ZC3H12B: variants seen among roughly 807,000 people sequenced by gnomAD.
ZC3H12B encodes probable ribonuclease ZC3H12B.
In ZC3H12B, 7 loss-of-function variants were observed where a neutral mutation model predicts 43.9. That is an observed-to-expected ratio of 0.16 (90% confidence interval 0.09 to 0.30). ZC3H12B has a LOEUF of 0.30. Ranked by LOEUF, ZC3H12B falls within the 10% of genes least tolerant of loss-of-function variation. The pLI is 1.00. For missense variants in ZC3H12B, 475 were observed against 670.2 expected (o/e 0.71, Z 3.22); for synonymous variants, 222 against 241.7 (o/e 0.92, Z 0.76).
At chrX:65,132,384 G>A in the ZC3H12B span, among the ~76,000 whole-genome samples, 3 of 110,861 alleles carry the variant, frequency 2.7e-5, no homozygotes, top group Admixed American at 9.6e-5. Flanking sequence ...AGCCTGTTGT[G>A]GGATGGGATA....
chrX:65,127,136 A>C, the ZC3H12B span, among the ~76,000 whole-genome samples: 4 of 111,297 alleles, frequency 3.6e-5, no homozygotes, highest in Non-Finnish European at 1.9e-5. Context: ...AGACTATGTC[A>C]GAGGGAAGAT....
intron 3 of ZC3H12B, among the ~76,000 whole-genome samples, chrX:65,418,815 G>A (rs2066988233): frequency 9.0e-6 from 1 of 111,615 alleles, no homozygotes; most frequent in African/African-American, 3.3e-5. Flanking sequence ...CTAGAATGAA[G>A]GGAAGATGAG....
the ZC3H12B span, among the ~76,000 whole-genome samples, chrX:65,169,274 C>G: frequency 1.8e-5 from 2 of 111,886 alleles, no homozygotes; most frequent in Non-Finnish European, 3.8e-5. Context: ...TTTATTTCTG[C>G]CTTCATTTGA....
chrX:65,221,761 G>A, the ZC3H12B span, among the ~76,000 whole-genome samples: 1 of 110,473 alleles, frequency 9.1e-6, no homozygotes, highest in Admixed American at 9.6e-5. Flanking sequence ...ATTCTGTCAG[G>A]CATTCAAAGA....
At chrX:65,193,286 T>C in the ZC3H12B span, among the ~76,000 whole-genome samples, 1 of 111,068 alleles carries the variant, frequency 9.0e-6, no homozygotes, top group Non-Finnish European at 1.9e-5. Context: ...GCCAATTTGC[T>C]GGAAGATGTT....
At chrX:65,311,855 G>A in the ZC3H12B span, among the ~76,000 whole-genome samples, 21 of 111,169 alleles carry the variant, frequency 1.9e-4, no homozygotes, top group African/African-American at 6.2e-4. Flanking sequence ...GGACATGGAT[G>A]CAGCTGGAAA....
the ZC3H12B span, among the ~76,000 whole-genome samples, chrX:65,207,271 C>A: frequency 9.2e-6 from 1 of 108,222 alleles, no homozygotes; most frequent in Non-Finnish European, 1.9e-5. Context: ...CACACACACA[C>A]ACATACACAC....
At chrX:65,062,742 CTTTGG>C in the ZC3H12B span, among the ~76,000 whole-genome samples, 2 of 111,995 alleles carry the variant, frequency 1.8e-5, no homozygotes, top group Non-Finnish European at 3.8e-5. Flanking sequence ...CTATAAATTA[CTTTGG>C]ACTGTGTGGC....
the ZC3H12B span, among the ~76,000 whole-genome samples, chrX:65,121,111 CT>C: frequency 9.0e-6 from 1 of 110,956 alleles, no homozygotes; most frequent in South Asian, 3.8e-4. Flanking sequence ...CTAAAATTCT[CT>C]TTTTTGGTTG....
At chrX:65,413,589 T>C (rs2066928463) in intron 3 of ZC3H12B, among the ~76,000 whole-genome samples, 1 of 112,482 alleles carries the variant, frequency 8.9e-6, no homozygotes, top group African/African-American at 3.2e-5. Context: ...CAATTGACTA[T>C]AGGTTTATGG....
chrX:65,157,939 C>T, the ZC3H12B span, among the ~76,000 whole-genome samples: 1 of 76,762 alleles, frequency 1.3e-5, no homozygotes, highest in Non-Finnish European at 2.5e-5. Context: ...CACCCCACAA[C>T]AGGCCCCAGA....
At chrX:65,338,363 C>T in the ZC3H12B span, among the ~76,000 whole-genome samples, 1 of 111,584 alleles carries the variant, frequency 9.0e-6, no homozygotes, top group African/African-American at 3.3e-5. Context: ...AATTGAATCA[C>T]TAATTTAAAA....
At chrX:65,183,475 C>G in the ZC3H12B span, among the ~76,000 whole-genome samples, 1 of 111,224 alleles carries the variant, frequency 9.0e-6, no homozygotes. Context: ...TACTCATCAT[C>G]TGAGTACACC....
chrX:65,387,180 A>T (rs962941760), intron 2 of ZC3H12B, among the ~76,000 whole-genome samples: 3 of 111,677 alleles, frequency 2.7e-5, no homozygotes, highest in African/African-American at 9.8e-5. Flanking sequence ...TGCAGAGCTG[A>T]GTCCAATTCC....
chrX:65,121,366 G>C, the ZC3H12B span, among the ~76,000 whole-genome samples: 10 of 111,212 alleles, frequency 9.0e-5, no homozygotes, highest in African/African-American at 2.9e-4. Context: ...GCTTCTTCCT[G>C]GTTTAGTCTT....
At chrX:65,441,838 G>A (rs1293366565) in intron 3 of ZC3H12B, among the ~76,000 whole-genome samples, 4 of 110,863 alleles carry the variant, frequency 3.6e-5, no homozygotes, top group Non-Finnish European at 7.5e-5. Context: ...ACATTGTACA[G>A]GGGTGAGGGA....
At chrX:65,457,355 G>A (rs2067640219) in intron 3 of ZC3H12B, among the ~76,000 whole-genome samples, 1 of 37,723 alleles carries the variant, frequency 2.7e-5, no homozygotes, top group Non-Finnish European at 3.9e-5. Flanking sequence ...CCCTATCCAG[G>A]AGGTGAGGGG....
At chrX:65,098,494 C>T in the ZC3H12B span, among the ~76,000 whole-genome samples, 1 of 110,055 alleles carries the variant, frequency 9.1e-6, no homozygotes, top group Non-Finnish European at 1.9e-5. Flanking sequence ...TCTGCAGCTC[C>T]CACGAAACCA....
At chrX:65,075,100 A>G in the ZC3H12B span, among the ~76,000 whole-genome samples, 1 of 112,180 alleles carries the variant, frequency 8.9e-6, no homozygotes, top group Non-Finnish European at 1.9e-5. Flanking sequence ...GACCTTCACA[A>G]ATCAGCCTAA....
Sources: allele counts gnomAD v4.1 joint callset (sites outside exome capture counted in the v4.1 genomes callset), GRCh38; gene constraint gnomAD v4.1.1; transcripts MANE v1.5; gene names NCBI Gene and HGNC (gene_info 2026-07-23, HGNC 2026-07-21).